Variants in AFP observed in about 807,000 individuals in gnomAD.
The protein encoded by AFP is alpha-fetoprotein.
Under a neutral mutation model 78.9 loss-of-function variants are expected in AFP, and 64 were observed. The ratio of observed to expected loss-of-function variants is 0.81; its 90% CI spans 0.66 to 1.00. The LOEUF (loss-of-function observed/expected upper bound fraction) is 1.00. Ranked by LOEUF, AFP falls within the 50% of genes least tolerant of loss-of-function variation. The pLI is 0.00. For synonymous variants in AFP, 254 were observed against 243.8 expected, an observed-to-expected ratio of 1.04 and a Z score of -0.39; for missense variants, 689 against 703.8, an observed-to-expected ratio of 0.98 and a Z score of 0.24.
chr4:73,447,604 A>T lies in AFP; in HGVS notation c.986A>T (p.Asn329Ile). The T allele has an allele frequency of 6.2e-7, 1 of 1,612,152 alleles. No individual in the cohort carries two copies. The highest frequency in any genetic ancestry group is 8.5e-7 in the Non-Finnish European group (1 of 1,179,680). The change falls in exon 8 of 15, where the codon AAT becomes ATT. Residue 329 changes from asparagine to isoleucine, a missense_variant. By Grantham distance (149) the Asn-to-Ile change is moderately radical. Transcript: ENST00000395792. Reference protein sequence around the residue: ...NDEKPEGLSPNLNRFLGDRDF... With the variant: ...NDEKPEGLSPILNRFLGDRDF... ...GAAAAACCTGAAGGTCTATCTCCAA[A>T]TCTAAACAGGTTTTTAGGAGATAGA...
intron 8 of AFP, among the ~76,000 whole-genome samples, chr4:73,448,149 T>G (rs1442298447): frequency 1.3e-5 from 2 of 152,150 alleles, no homozygotes; most frequent in African/African-American, 4.8e-5. Flanking sequence ...GAACAGCTTA[T>G]TGGCTATGTA....
In AFP at chr4:73,450,677, C is replaced by A. The variant is rs138531623; in HGVS notation, c.1352C>A (p.Thr451Asn). ...QLTSSELMAI[T>N]RKMAATAATC... ...ACCTCGTCGGAGCTGATGGCCATCA[C>A]CAGAAAAATGGCAGCCACAGCAGCC... The change falls in exon 11 of 15, where the codon ACC becomes AAC. Residue 451 changes from threonine (T) to asparagine (N), a missense_variant. Thr to Asn is a moderately conservative substitution (Grantham distance 65). Coordinates refer to ENST00000395792, the MANE Select transcript of AFP (RefSeq NM_001134.3). The A allele has an allele frequency of 6.2e-6, 10 of 1,614,038 alleles. No individual in the cohort carries two copies. Among genetic ancestry groups the A allele is most frequent in the Non-Finnish European group, 8.5e-6 (10 of 1,180,018 alleles).
chr4:73,444,851 A>G, intron 6 of AFP, 142 bp from the exon 7 acceptor site: 1 of 748,686 alleles, frequency 1.3e-6, no homozygotes, highest in East Asian at 3.0e-5. Flanking sequence ...AAGCCTTAAA[A>G]CATGTTTCCT....
Position 73,455,303 on chromosome 4 carries a change from T to C in AFP, c.*10+13T>C. 6.2e-7 allele frequency: 1 copy of C among 1,601,434 alleles called. No individual in the cohort carries two copies. Among genetic ancestry groups the C allele is most frequent in the Non-Finnish European group, 8.6e-7 (1 of 1,168,948 alleles). On this transcript the variant is annotated intron_variant, in intron 14 of 14. Transcript: ENST00000395792. ...TAAATTACTTCAGGTAACAAAACAT[T>C]CAGACAAGCCTGAATACAATGTTGT... is the stretch of plus-strand genomic sequence containing the variant.
intron 6 of AFP, among the ~76,000 whole-genome samples, chr4:73,444,023 T>C (rs1299736902): frequency 6.6e-6 from 1 of 152,176 alleles, no homozygotes; most frequent in African/African-American, 2.4e-5. Flanking sequence ...TATATGAAAA[T>C]ATCTGAGCTG....
intron 11 of AFP, among the ~76,000 whole-genome samples, chr4:73,451,219 A>T (rs1719982391): frequency 6.6e-6 from 1 of 152,166 alleles, no homozygotes; most frequent in Non-Finnish European, 1.5e-5. Flanking sequence ...TGACATCAGG[A>T]ATAATTGGTT....
Position 73,455,776 on chromosome 4 carries a change from T to C in AFP, c.*156T>C. 1 of 632,366 alleles carries C rather than the reference T, an allele frequency of 1.6e-6. No individual in the cohort carries two copies. The highest frequency in any genetic ancestry group is 2.8e-6 in the Non-Finnish European group (1 of 357,838). The allele number at this position is 632,366 out of a possible 1,614,324, so 39.2% of individuals were successfully genotyped here. A position where few individuals can be genotyped will look rare whatever the true frequency, so the allele number is the denominator to read the frequency against. ...CACAGAAATAAAATATCTCCAAATG[T>C]TTCCTTTTCCAAGTTTGCTTATTTA... On this transcript the variant is annotated 3_prime_UTR_variant, in exon 15 of 15. Coordinates refer to ENST00000395792, the MANE Select transcript of AFP (RefSeq NM_001134.3).
intron 10 of AFP, 98 bp from the exon 11 acceptor site, chr4:73,450,517 T>C: frequency 1.3e-6 from 2 of 1,553,856 alleles, no homozygotes; most frequent in African/African-American, 2.7e-5. Flanking sequence ...TGACCTCATG[T>C]CTTCTGGCAT....
At position 73,455,695 on chromosome 4, in the gene AFP, T is replaced by G; in HGVS notation, c.*75T>G. 1 of 694,482 alleles carries G rather than the reference T, an allele frequency of 1.4e-6. No individual in the cohort carries two copies. The highest frequency in any genetic ancestry group is 1.5e-5 in the South Asian group (1 of 64,608). 43.0% of individuals were successfully genotyped at this position (694,482 alleles called of 1,614,324 possible). On this transcript the variant is annotated 3_prime_UTR_variant, in exon 15 of 15. Coordinates refer to ENST00000395792, the MANE Select transcript of AFP (RefSeq NM_001134.3). Reference sequence around the variant, plus strand: ...CTTTTCTCTTTAATTTTAACTGATTTAACACTTTTTGTGAATTAATGAAAT... The same window carrying G: ...CTTTTCTCTTTAATTTTAACTGATTGAACACTTTTTGTGAATTAATGAAAT...
intron 3 of AFP, 53 bp downstream of exon 3, chr4:73,438,359 G>T: frequency 6.4e-7 from 1 of 1,559,398 alleles, no homozygotes. Flanking sequence ...AATTTAGCAT[G>T]CTGAAGAGAA....
intron 10 of AFP, 46 bp downstream of exon 10, chr4:73,450,179 G>A: frequency 7.0e-7 from 1 of 1,422,490 alleles, no homozygotes; most frequent in Non-Finnish European, 9.8e-7. Context: ...AATTATTAAA[G>A]AGAATGTAGC....
At position 73,440,678 on chromosome 4, in the gene AFP, A is replaced by G. The variant is rs1288714188; in HGVS notation, c.347A>G (p.Gln116Arg). The G allele has an allele frequency of 3.7e-6, 6 of 1,614,076 alleles. No individual in the cohort carries two copies. The African/African-American group carries it at 4.0e-5, about 11-fold the overall frequency. The change falls in exon 4 of 15, where the codon CAA becomes CGA. Residue 116 changes from glutamine to arginine, a missense_variant. By Grantham distance (43) the Gln-to-Arg change is conservative. Coordinates refer to ENST00000395792, the MANE Select transcript of AFP (RefSeq NM_001134.3). ...TACGGACATTCAGACTGCTGCAGCC[A>G]AAGTGAAGAGGGAAGACATAACTGT... is the stretch of plus-strand genomic sequence containing the variant. ...EKYGHSDCCS[Q>R]SEEGRHNCFL...
chr4:73,450,836 C>A, intron 11 of AFP, 83 bp downstream of exon 11: 1 of 1,602,562 alleles, frequency 6.2e-7, no homozygotes, highest in Non-Finnish European at 8.5e-7. Context: ...CTAGGGAAGA[C>A]GGTAAAAACC....
intron 12 of AFP, 38 bp downstream of exon 12, chr4:73,452,662 C>G (rs1295414420): frequency 1.3e-6 from 2 of 1,522,554 alleles, no homozygotes; most frequent in Admixed American, 3.4e-5. Flanking sequence ...AAAAGAATGA[C>G]AACCCCAAAG....
intron 5 of AFP, among the ~76,000 whole-genome samples, chr4:73,442,931 T>C (rs1362605076): frequency 6.6e-5 from 10 of 152,150 alleles, no homozygotes; most frequent in Admixed American, 5.9e-4. Context: ...ATTAACTACT[T>C]GCTACCAGCA....
chr4:73,450,753 GGTGA>G lies in AFP; in HGVS notation c.1428+4_1428+7del, dbSNP rs1207802583. On this transcript the variant is annotated splice_donor_variant and splice_donor_region_variant and intron_variant, in intron 11 of 14. Coordinates refer to ENST00000395792, the MANE Select transcript of AFP (RefSeq NM_001134.3). LOFTEE classifies it high-confidence loss of function. ...AACTATTGGCCTGTGGCGAGGGAGCGGTGAGTGTCTGCTTGGTTTGGTCCCATCT... is the reference window on the plus strand; with the variant it reads ...AACTATTGGCCTGTGGCGAGGGAGCGGTGTCTGCTTGGTTTGGTCCCATCT... The G allele has an allele frequency of 1.1e-5, 18 of 1,613,886 alleles. No individual in the cohort carries two copies. The highest frequency in any genetic ancestry group is 1.4e-5 in the Non-Finnish European group (17 of 1,179,998).
chr4:73,440,869 C>A, intron 4 of AFP, 56 bp downstream of exon 4: 1 of 1,503,848 alleles, frequency 6.6e-7, no homozygotes, highest in Non-Finnish European at 9.1e-7. Flanking sequence ...AATGGCAAGC[C>A]TAATTTAGTA....
Position 73,436,262 on chromosome 4 carries a change from C to T in AFP, c.-1C>T. The T allele has an allele frequency of 1.9e-6, 3 of 1,592,780 alleles. No individual in the cohort carries two copies. The highest frequency in any genetic ancestry group is 1.7e-4 in the Middle Eastern group (1 of 5,980). On this transcript the variant is annotated 5_prime_UTR_variant, in exon 1 of 15. Transcript: ENST00000395792. ...TGCCAATAACAAAATAACTAGCAAC[C>T]ATGAAGTGGGTGGAATCAATTTTTT...
At chr4:73,442,567 T>C in intron 5 of AFP, 139 bp downstream of exon 5, 1 of 1,010,504 alleles carries the variant, frequency 9.9e-7, no homozygotes, top group Non-Finnish European at 1.5e-6. Flanking sequence ...AGTCTGATAT[T>C]CTTCGAGTGA....
Sources: allele counts gnomAD v4.1 joint callset (sites outside exome capture counted in the v4.1 genomes callset), GRCh38; gene constraint gnomAD v4.1.1; transcripts MANE v1.5; gene names NCBI Gene and HGNC (gene_info 2026-07-23, HGNC 2026-07-21).